FERMT3: variants seen among roughly 807,000 people sequenced by gnomAD.
The protein encoded by FERMT3 is fermitin family homolog 3.
Under a neutral mutation model 80.8 loss-of-function variants are expected in FERMT3, and 33 were observed. The ratio of observed to expected loss-of-function variants is 0.41; its 90% CI spans 0.31 to 0.55. The LOEUF is 0.55. FERMT3 is among the 20% of genes least tolerant of loss of function. The pLI is 0.31. For synonymous variants in FERMT3, 375 were observed against 372.2 expected (o/e 1.01, Z -0.09); for missense variants, 754 against 908.7 (o/e 0.83, Z 2.19).
chr11:64,206,044 G>T (rs147195882), upstream of FERMT3, among the ~76,000 whole-genome samples: 254 of 152,310 alleles, frequency 1.7e-3, 2 homozygotes, highest in African/African-American at 5.7e-3. Context: ...CCTAAGCAGG[G>T]ACTTGATGGG....
In FERMT3 at chr11:64,211,867, C is replaced by T. The variant is rs1401306923; in HGVS notation, c.786+120C>T. 1 of 942,994 alleles carries T rather than the reference C, an allele frequency of 1.1e-6. No homozygotes were observed. Among genetic ancestry groups the T allele is most frequent in the Non-Finnish European group, 1.7e-6 (1 of 595,730 alleles). 58.4% of individuals were successfully genotyped at this position (942,994 alleles called of 1,614,324 possible). A position where few individuals can be genotyped will look rare whatever the true frequency, so the allele number is the denominator to read the frequency against. Reference sequence around the variant, plus strand: ...TGGCCTGTCCGTCTGCCCGTTTGTCCATCCACACCTTTGTTTACTGACCCC... The same window carrying T: ...TGGCCTGTCCGTCTGCCCGTTTGTCTATCCACACCTTTGTTTACTGACCCC... On this transcript the variant is annotated intron_variant, in intron 6 of 14. Coordinates refer to ENST00000345728, the MANE Select transcript of FERMT3 (RefSeq NM_031471.6). The surrounding 1 kb of genome is among the most constrained non-coding windows in gnomAD (Gnocchi z 4.7).
intron 6 of FERMT3, among the ~76,000 whole-genome samples, chr11:64,212,359 C>T (rs1352840131): frequency 2.0e-5 from 3 of 152,230 alleles, no homozygotes; most frequent in African/African-American, 7.2e-5. Context: ...CCTTTCTCTG[C>T]AAAACATCGT....
intron 2 of FERMT3, 198 bp downstream of exon 2, chr11:64,207,722 T>G: frequency 1.6e-6 from 1 of 620,402 alleles, no homozygotes; most frequent in Middle Eastern, 4.5e-4. Flanking sequence ...CCTCCCTCCC[T>G]TCTGCTGCAG....
At chr11:64,220,899 G>A (rs1323140451) in intron 12 of FERMT3, 117 bp from the exon 13 acceptor site, 10 of 1,546,284 alleles carry the variant, frequency 6.5e-6, no homozygotes, top group East Asian at 4.5e-5. Flanking sequence ...GCGGCCCCAC[G>A]TGGGCACTGC....
rs1565288256 is a variant in FERMT3, at chr11:64,207,649, T to G, written c.160+125T>G. 8 of 1,195,798 alleles carry G rather than the reference T, an allele frequency of 6.7e-6. No individual in the cohort carries two copies. The South Asian group carries it at 1.1e-4, about 16-fold the overall frequency. 74.1% of individuals were successfully genotyped at this position (1,195,798 alleles called of 1,614,324 possible). Reference sequence around the variant, plus strand: ...AATGGTGTCACGGTGACTCAGGCATTAGCTTAATCATTTGGTTCCAAAAAA... The same window carrying G: ...AATGGTGTCACGGTGACTCAGGCATGAGCTTAATCATTTGGTTCCAAAAAA... On this transcript the variant is annotated intron_variant, in intron 2 of 14. Coordinates refer to ENST00000345728, the MANE Select transcript of FERMT3 (RefSeq NM_031471.6).
rs764742176 is a variant in FERMT3, at chr11:64,220,516, C to T, written c.1392C>T (p.Ser464=). 12 of 1,607,580 alleles carry T rather than the reference C, an allele frequency of 7.5e-6. No homozygotes were observed. The highest frequency in any genetic ancestry group is 3.4e-5 in the Admixed American group (2 of 59,064). The part of the protein sequence containing the change: ...GRTMADSSYT[S]EVQAILAFLS... ...CCATGGCCGACAGCAGCTACACCAGCGAGGTGCAGGCCATCCTGGCCTTCC... is the reference window on the plus strand; with the variant it reads ...CCATGGCCGACAGCAGCTACACCAGTGAGGTGCAGGCCATCCTGGCCTTCC... Residue 464 remains serine, a synonymous_variant, in exon 12 of 15, where the codon AGC becomes AGT. Coordinates refer to ENST00000345728, the MANE Select transcript of FERMT3 (RefSeq NM_031471.6).
intron 6 of FERMT3, among the ~76,000 whole-genome samples, chr11:64,213,057 A>ATT (rs762891516): frequency 3.6e-5 from 5 of 140,340 alleles, no homozygotes; most frequent in South Asian, 4.5e-4. Flanking sequence ...TACCTGGCTA[A>ATT]TTTTTTTTTT....
intron 6 of FERMT3, among the ~76,000 whole-genome samples, chr11:64,214,412 C>G (rs545684978): frequency 1.3e-5 from 2 of 152,236 alleles, no homozygotes; most frequent in Admixed American, 6.5e-5. Flanking sequence ...ATGGTGTGAT[C>G]TTGGCTCACT....
intron 6 of FERMT3, among the ~76,000 whole-genome samples, chr11:64,213,255 C>G (rs7108195): frequency 0.011 from 1,654 of 151,862 alleles, 35 homozygotes; most frequent in African/African-American, 0.038. Flanking sequence ...TCTCGAACTC[C>G]TGACCTCAGG....
In FERMT3 at chr11:64,211,855, T is replaced by C. The variant is rs541844249; in HGVS notation, c.786+108T>C. 5.0e-5 allele frequency: 53 copies of C among 1,063,728 alleles called. No homozygotes were observed. In the African/African-American group the frequency reaches 8.0e-4, roughly 16 times the overall value. 65.9% of individuals were successfully genotyped at this position (1,063,728 alleles called of 1,614,324 possible). The stretch of plus-strand genomic sequence containing the variant: ...AGTGACTTGTAGTGGCCTGTCCGTC[T>C]GCCCGTTTGTCCATCCACACCTTTG... On this transcript the variant is annotated intron_variant, in intron 6 of 14. Transcript: ENST00000345728. This position sits in a 1 kb window ranked among gnomAD's most constrained non-coding sequence, Gnocchi z 4.7.
rs537358454 is a variant in FERMT3, at chr11:64,210,696, G to A, written c.246G>A (p.Lys82=). 3 of 1,614,186 alleles carry A rather than the reference G, an allele frequency of 1.9e-6. No individual in the cohort carries two copies. Among genetic ancestry groups the A allele is most frequent in the Admixed American group, 3.3e-5 (2 of 60,030 alleles). ...TGCAGACCCACTGGACACTGGACAA[G>A]TACGGGATCCTGGCCGACGCACGCC... ...WLLQTHWTLD[K]YGILADARLF... is the part of the protein sequence containing the mutation. Residue 82 remains lysine (K), a synonymous_variant, in exon 3 of 15, where the codon AAG becomes AAA. Transcript: ENST00000345728. This position sits in a 1 kb window ranked among gnomAD's most constrained non-coding sequence, Gnocchi z 4.3.
In FERMT3 at chr11:64,220,655, T is replaced by G; in HGVS notation, c.1531T>G (p.Phe511Val). Residue 511 changes from phenylalanine (F) to valine (V), a missense_variant, in exon 12 of 15, where the codon TTC (phenylalanine) becomes GTC (valine). Transcript: ENST00000345728. ...GLVAPRFQRK[F>V]KAKQLTPRIL... Reference sequence around the variant, plus strand: ...CGTTGCCCCCCGTTTCCAGCGAAAGTTCAAGGCCAAGCAGGTACCAGAAGG... The same window carrying G: ...CGTTGCCCCCCGTTTCCAGCGAAAGGTCAAGGCCAAGCAGGTACCAGAAGG... The G allele has an allele frequency of 6.2e-7, 1 of 1,611,128 alleles. No individual in the cohort carries two copies. Among genetic ancestry groups the G allele is most frequent in the Non-Finnish European group, 8.5e-7 (1 of 1,179,184 alleles).
At chr11:64,213,983 C>T (rs1214080449) in intron 6 of FERMT3, among the ~76,000 whole-genome samples, 1 of 152,192 alleles carries the variant, frequency 6.6e-6, no homozygotes, top group African/African-American at 2.4e-5. Context: ...ATTCTCTTCC[C>T]TGCCCACACA....
At chr11:64,217,145 G>A (rs965317395) in intron 6 of FERMT3, among the ~76,000 whole-genome samples, 8 of 152,184 alleles carry the variant, frequency 5.3e-5, no homozygotes, top group Admixed American at 4.6e-4. Flanking sequence ...GCCTCTCAGT[G>A]GCAACCCCAC....
rs1350646188 is a variant in FERMT3 at position 64,220,326 on chromosome 11, T to C, written c.1311T>C (p.Asp437=). The change falls in exon 11 of 15, where the codon GAT becomes GAC. Residue 437 remains aspartate (D), a splice_region_variant and synonymous_variant. Coordinates refer to ENST00000345728, the MANE Select transcript of FERMT3 (RefSeq NM_031471.6). ...GTGAGATCTACCTGCGGTGCCAGGA[T>C]GTGAGTGAGGGCTGGGCAGGGGCCA... The part of the protein sequence containing the change: ...GMSEIYLRCQ[D]EQQYARWMAG... The C allele has an allele frequency of 1.9e-6, 3 of 1,613,198 alleles. No homozygotes were observed. The highest frequency in any genetic ancestry group is 2.5e-6 in the Non-Finnish European group (3 of 1,179,536).
chr11:64,223,421 G>C lies in FERMT3; in HGVS notation c.1921G>C (p.Glu641Gln). 6.2e-7 allele frequency: 1 copy of C among 1,613,546 alleles called. No homozygotes were observed. Among genetic ancestry groups the C allele is most frequent in the Non-Finnish European group, 8.5e-7 (1 of 1,180,040 alleles). The change falls in exon 15 of 15, where the codon GAG becomes CAG. Residue 641 changes from glutamate to glutamine, a missense_variant. Coordinates refer to ENST00000345728, the MANE Select transcript of FERMT3 (RefSeq NM_031471.6). ...GGGCTACATTTTCCTGTCGACGCGG[G>C]AGCGGGCCCGTGGGGAGGAGCTGGA... ...IGGYIFLSTR[E>Q]RARGEELDED...
At chr11:64,217,468 G>C (rs1179613566) in intron 6 of FERMT3, among the ~76,000 whole-genome samples, 1 of 152,112 alleles carries the variant, frequency 6.6e-6, no homozygotes, top group Non-Finnish European at 1.5e-5. Flanking sequence ...AGAATCGCTT[G>C]AACCCGGGAG....
Position 64,207,358 on chromosome 11 carries a change from C to T in FERMT3, c.-7C>T, listed in dbSNP as rs376680568. ...CTTCCACACTCTCTGTAGCAGCAGC[C>T]GCAGCCATGGCGGGGATGAAGACAG... On this transcript the variant is annotated 5_prime_UTR_variant, in exon 2 of 15. Transcript: ENST00000345728. 31 of 1,614,146 alleles carry T rather than the reference C, an allele frequency of 1.9e-5. No homozygotes were observed. In the African/African-American group the frequency reaches 2.8e-4, roughly 15 times the overall value.
chr11:64,207,297 A>G, intron 1 of FERMT3, 54 bp from the exon 2 acceptor site: 1 of 1,610,294 alleles, frequency 6.2e-7, no homozygotes. Context: ...TTCTGCCCAA[A>G]CCCGGAGGCC....
Sources: gnomAD v4.1 joint callset for allele counts (sites outside exome capture counted in the v4.1 genomes callset) on GRCh38, gnomAD v4.1.1 for gene constraint, Gnocchi (gnomAD v3.1) non-coding constraint, MANE v1.5 for transcripts, NCBI Gene and HGNC (gene_info 2026-07-23, HGNC 2026-07-21) for gene names.